PARVB: variants seen among roughly 807,000 people sequenced by gnomAD.
The protein encoded by PARVB is beta-parvin.
A neutral mutation model predicts 47.0 loss-of-function variants in PARVB; 46 were observed. That is an observed-to-expected ratio of 0.98 (90% confidence interval 0.77 to 1.25). The LOEUF is 1.25. PARVB is among the 50% of genes most tolerant of loss of function. The pLI, the probability that PARVB is intolerant of heterozygous loss-of-function variation, is 0.00. For synonymous variants in PARVB, 196 were observed against 196.3 expected, an observed-to-expected ratio of 1.00 and a Z score of 0.01; for missense variants, 473 against 471.6, an observed-to-expected ratio of 1.00 and a Z score of -0.03.
At chr22:44,043,765 C>T (rs1028873070) in intron 1 of PARVB, among the ~76,000 whole-genome samples, 2 of 152,176 alleles carry the variant, frequency 1.3e-5, no homozygotes, top group African/African-American at 4.8e-5. Flanking sequence ...TACTGAGAGG[C>T]AGCGCTCAGA....
chr22:44,016,157 C>T (rs1264547465), intron 2 of PARVB, among the ~76,000 whole-genome samples: 20 of 142,606 alleles, frequency 1.4e-4, no homozygotes, highest in East Asian at 2.1e-4. Flanking sequence ...AGTGCAGTGG[C>T]GTGATCTCGG....
chr22:44,127,874 C>T (rs1223040581), intron 4 of PARVB, among the ~76,000 whole-genome samples: 1 of 152,044 alleles, frequency 6.6e-6, no homozygotes, highest in Non-Finnish European at 1.5e-5. Flanking sequence ...CAGCCTTGAC[C>T]CCTAGGCTTG....
chr22:44,044,420 G>T (rs954332416), intron 1 of PARVB, among the ~76,000 whole-genome samples: 1 of 152,106 alleles, frequency 6.6e-6, no homozygotes, highest in Non-Finnish European at 1.5e-5. Flanking sequence ...TCGATCTCCT[G>T]ACCTCGTGAT....
chr22:44,026,944 C>T (rs1367622412), intron 1 of PARVB, among the ~76,000 whole-genome samples: 2 of 151,506 alleles, frequency 1.3e-5, no homozygotes, highest in African/African-American at 4.9e-5. Flanking sequence ...AGTGACGTGG[C>T]CTGTTCCAGA....
chr22:44,058,545 G>A lies in PARVB; in HGVS notation c.112+34094G>A, dbSNP rs189852064. 6.8e-4 allele frequency among the ~76,000 whole-genome samples: 98 copies of A among 144,606 alleles called. 1 individual carries two copies. Among genetic ancestry groups the A allele is most frequent in the African/African-American group, 2.4e-3 (95 of 38,858 alleles). The allele number at this position is 144,606 out of a possible 152,430, so 94.9% of individuals were successfully genotyped here. On this transcript the variant is annotated intron_variant, in intron 1 of 12. Coordinates refer to ENST00000338758, the MANE Select transcript of PARVB (RefSeq NM_013327.5). Reference sequence around the variant, plus strand: ...TCCAGTTGTCCAATTCCAGGTGGACGTGGATTTTTTTTTTTTTTTTTTTTT... The same window carrying A: ...TCCAGTTGTCCAATTCCAGGTGGACATGGATTTTTTTTTTTTTTTTTTTTT...
chr22:44,003,830 C>A (rs2050436820), intron 2 of PARVB, among the ~76,000 whole-genome samples: 1 of 152,184 alleles, frequency 6.6e-6, no homozygotes, highest in South Asian at 2.1e-4. Context: ...CAGGTTTACC[C>A]TCCTCTTTAG....
intron 12 of PARVB, 127 bp downstream of exon 12, chr22:44,164,057 C>T (rs1167749601): frequency 3.2e-6 from 2 of 618,404 alleles, no homozygotes; most frequent in African/African-American, 3.8e-5. Context: ...GGCTCTGGGG[C>T]AAGGGTCTGC....
chr22:44,065,305 T>C (rs17497196), intron 1 of PARVB, among the ~76,000 whole-genome samples: 2,787 of 152,184 alleles, frequency 0.018, 53 homozygotes, highest in African/African-American at 0.052. Context: ...TATATTTTAT[T>C]ACCTTCTCCC....
chr22:44,022,402 AC>A (rs2050660052), upstream of PARVB, among the ~76,000 whole-genome samples: 1 of 151,918 alleles, frequency 6.6e-6, no homozygotes, highest in Non-Finnish European at 1.5e-5. Flanking sequence ...CACCCCATCC[AC>A]ATGGTCCCTG....
chr22:44,070,801 G>T (rs747584528), intron 1 of PARVB, among the ~76,000 whole-genome samples: 1 of 152,230 alleles, frequency 6.6e-6, no homozygotes, highest in Non-Finnish European at 1.5e-5. Flanking sequence ...GGTAGACCCT[G>T]CCCGCACCTC....
At chr22:44,142,951 G>C (rs1267972332) in intron 8 of PARVB, 1 of 152,262 alleles carries the variant, frequency 6.6e-6, no homozygotes, top group Admixed American at 6.5e-5. Context: ...ACCCGCCCCT[G>C]TGGGGGCAGC....
chr22:44,043,213 CAGAA>C (rs1569071712), intron 1 of PARVB, among the ~76,000 whole-genome samples: 1 of 152,040 alleles, frequency 6.6e-6, no homozygotes, highest in Non-Finnish European at 1.5e-5. Context: ...TTGATAGAGA[CAGAA>C]AGTAAGATTA....
At chr22:44,100,436 C>G in intron 3 of PARVB, among the ~76,000 whole-genome samples, 1 of 152,044 alleles carries the variant, frequency 6.6e-6, no homozygotes. Flanking sequence ...TAGTGTAGTA[C>G]CTTACAGATG....
chr22:44,157,310 G>A (rs1601698389), intron 10 of PARVB, among the ~76,000 whole-genome samples: 1 of 152,302 alleles, frequency 6.6e-6, no homozygotes. Flanking sequence ...CCGTCTCGCT[G>A]TGTCTTCACG....
At chr22:44,038,704 C>T (rs891135729) in intron 1 of PARVB, among the ~76,000 whole-genome samples, 1 of 152,118 alleles carries the variant, frequency 6.6e-6, no homozygotes, top group African/African-American at 2.4e-5. Flanking sequence ...ATAGCTTGAA[C>T]CCAGGAGGTG....
chr22:44,021,756 GACTCACACACACAC>G (rs1368765308), upstream of PARVB, among the ~76,000 whole-genome samples: 3,815 of 105,052 alleles, frequency 0.036, 106 homozygotes, highest in Middle Eastern at 0.09. Context: ...GTAAAGTCTA[GACTCACACACACAC>G]ACACACACAC....
intron 9 of PARVB, 122 bp downstream of exon 9, chr22:44,148,044 G>GCAACA: frequency 1.3e-6 from 1 of 794,742 alleles, no homozygotes; most frequent in Non-Finnish European, 2.1e-6. Context: ...TTGCCACATG[G>GCAACA]ATTGAAATGT....
chr22:44,153,754 G>C (rs1426464122), intron 10 of PARVB: 2 of 152,116 alleles, frequency 1.3e-5, no homozygotes, highest in Non-Finnish European at 2.9e-5. Context: ...GTTTCTATCT[G>C]ATCCTTTTTC....
upstream of PARVB, among the ~76,000 whole-genome samples, chr22:44,023,017 G>C (rs963622837): frequency 6.6e-6 from 1 of 152,082 alleles, no homozygotes; most frequent in Non-Finnish European, 1.5e-5. Flanking sequence ...AAAGTGTTGG[G>C]ATTACAGGTG....
Sources: gnomAD v4.1 joint callset for allele counts (sites outside exome capture counted in the v4.1 genomes callset) on GRCh38, gnomAD v4.1.1 for gene constraint, MANE v1.5 for transcripts, NCBI Gene and HGNC (gene_info 2026-07-23, HGNC 2026-07-21) for gene names.